ENTREP2: variants seen among roughly 807,000 people sequenced by gnomAD.
ENTREP2 encodes endosomal transmembrane epsin interactor 2, also known as protein ENTREP2.
At chr15:29,432,975 G>C in the ENTREP2 span, among the ~76,000 whole-genome samples, 1 of 152,338 alleles carries the variant, frequency 6.6e-6, no homozygotes, top group South Asian at 2.1e-4. Context: ...TCCATCTGCA[G>C]GTCTTTATCA....
chr15:29,553,990 T>C, the ENTREP2 span, among the ~76,000 whole-genome samples: 1 of 152,210 alleles, frequency 6.6e-6, no homozygotes, highest in Non-Finnish European at 1.5e-5. Context: ...TAACTTGTGA[T>C]GTTACAACAG....
At chr15:29,439,334 A>ACACACAC in the ENTREP2 span, among the ~76,000 whole-genome samples, 3 of 99,772 alleles carry the variant, frequency 3.0e-5, no homozygotes, top group Admixed American at 1.0e-4. Context: ...CACACACACA[A>ACACACAC]ACAGTAGAGG....
the ENTREP2 span, among the ~76,000 whole-genome samples, chr15:29,627,622 C>CT: frequency 6.6e-6 from 1 of 151,420 alleles, no homozygotes; most frequent in African/African-American, 2.4e-5. Context: ...AACTGAAACT[C>CT]TATCCATTAA....
chr15:29,670,280 CAG>C, the ENTREP2 span, among the ~76,000 whole-genome samples: 1 of 152,116 alleles, frequency 6.6e-6, no homozygotes, highest in Admixed American at 6.6e-5. Context: ...GGTTCCCAAA[CAG>C]GGTTCCAGAG....
At chr15:29,224,417 G>A in the ENTREP2 span, among the ~76,000 whole-genome samples, 1 of 152,142 alleles carries the variant, frequency 6.6e-6, no homozygotes, top group African/African-American at 2.4e-5. Flanking sequence ...GCTGGCTCGG[G>A]CAGCCCGCTT....
chr15:29,221,738 G>A, the ENTREP2 span, among the ~76,000 whole-genome samples: 2 of 152,120 alleles, frequency 1.3e-5, no homozygotes, highest in African/African-American at 4.8e-5. Context: ...CATCAAAGTA[G>A]AGCTCCACTT....
the ENTREP2 span, among the ~76,000 whole-genome samples, chr15:29,464,093 G>T: frequency 6.6e-6 from 1 of 152,136 alleles, no homozygotes; most frequent in African/African-American, 2.4e-5. Flanking sequence ...TTTTAGTTGA[G>T]GAAGAGGGAG....
the ENTREP2 span, among the ~76,000 whole-genome samples, chr15:29,578,951 A>G: frequency 5.3e-5 from 8 of 152,218 alleles, no homozygotes; most frequent in African/African-American, 1.4e-4. Flanking sequence ...AACTAGCACT[A>G]TTAAATCAGG....
chr15:29,326,511 A>G, the ENTREP2 span, among the ~76,000 whole-genome samples: 112 of 152,296 alleles, frequency 7.4e-4, 1 homozygote, highest in African/African-American at 2.6e-3. Context: ...ATCTGACAAA[A>G]TATGTATAAG....
the ENTREP2 span, among the ~76,000 whole-genome samples, chr15:29,622,890 A>C: frequency 5.3e-5 from 8 of 152,190 alleles, no homozygotes; most frequent in African/African-American, 1.9e-4. Context: ...TGTGAGGCTG[A>C]GGCTTGTCAT....
the ENTREP2 span, among the ~76,000 whole-genome samples, chr15:29,656,038 A>AC: frequency 1.1e-4 from 17 of 150,770 alleles, no homozygotes; most frequent in African/African-American, 4.2e-4. Flanking sequence ...AAAAAAAAAA[A>AC]AAAAACAACT....
At chr15:29,250,202 C>T in the ENTREP2 span, among the ~76,000 whole-genome samples, 1 of 152,156 alleles carries the variant, frequency 6.6e-6, no homozygotes, top group Non-Finnish European at 1.5e-5. Context: ...TGAAGCATGG[C>T]TTTGATCCTG....
chr15:29,626,468 C>T, the ENTREP2 span, among the ~76,000 whole-genome samples: 2 of 152,290 alleles, frequency 1.3e-5, no homozygotes, highest in Middle Eastern at 3.4e-3. Context: ...CCTTCTGCCA[C>T]AATTGCGAGG....
At chr15:29,544,933 T>C in the ENTREP2 span, among the ~76,000 whole-genome samples, 1 of 152,190 alleles carries the variant, frequency 6.6e-6, no homozygotes, top group Non-Finnish European at 1.5e-5. Context: ...TGCATGGCAG[T>C]ACCACAGAGT....
the ENTREP2 span, among the ~76,000 whole-genome samples, chr15:29,119,747 G>T: frequency 1.3e-5 from 2 of 151,318 alleles, no homozygotes; most frequent in African/African-American, 4.9e-5. Context: ...AGAATGCCAG[G>T]GATGGCCACA....
chr15:29,654,005 G>T, the ENTREP2 span, among the ~76,000 whole-genome samples: 3 of 152,098 alleles, frequency 2.0e-5, no homozygotes, highest in African/African-American at 7.2e-5. Context: ...AACATGTTCT[G>T]TTCAATCATG....
chr15:29,136,101 G>A, the ENTREP2 span, among the ~76,000 whole-genome samples: 53 of 152,352 alleles, frequency 3.5e-4, 1 homozygote, highest in South Asian at 1.0e-3. Context: ...CCCCAGGCCC[G>A]GGCTGGCGTC....
the ENTREP2 span, among the ~76,000 whole-genome samples, chr15:29,495,924 TG>T: frequency 4.6e-5 from 7 of 152,168 alleles, no homozygotes; most frequent in African/African-American, 1.4e-4. Context: ...ATTTTAGGAT[TG>T]TTTTTTCTAT....
the ENTREP2 span, among the ~76,000 whole-genome samples, chr15:29,401,876 A>C: frequency 1.6e-4 from 25 of 152,342 alleles, no homozygotes; most frequent in Admixed American, 9.1e-4. Context: ...GACACAGCCC[A>C]GTGTGCACTG....
Sources: allele counts gnomAD v4.1 joint callset (sites outside exome capture counted in the v4.1 genomes callset), GRCh38; gene constraint gnomAD v4.1.1; transcripts MANE v1.5; gene names NCBI Gene and HGNC (gene_info 2026-07-23, HGNC 2026-07-21).